SLC14A1: variants seen among roughly 807,000 people sequenced by gnomAD.
SLC14A1 encodes urea transporter 1.
Under a neutral mutation model 39.6 loss-of-function variants are expected in SLC14A1, and 36 were observed. The observed-to-expected ratio is 0.91, with a 90% CI of 0.70 to 1.20. SLC14A1 has a LOEUF of 1.20. Among genes scored for constraint, SLC14A1 ranks in the 50% most tolerant of loss-of-function variants. SLC14A1 has a pLI of 0.00. For synonymous variants in SLC14A1, 164 were observed against 173.6 expected (o/e 0.94, Z 0.43); for missense variants, 469 against 478.7 (o/e 0.98, Z 0.19).
chr18:45,732,424 G>A (rs1366289615), intron 4 of SLC14A1, among the ~76,000 whole-genome samples: 1 of 152,338 alleles, frequency 6.6e-6, no homozygotes, highest in African/African-American at 2.4e-5. Context: ...GTCATGTGTA[G>A]TCCCAGTCTC....
Position 45,751,786 on chromosome 18 carries a change from A to AAATT in SLC14A1, c.*1860_*1863dup, listed in dbSNP as rs10676479. The AAATT allele has an allele frequency of 0.069, 57,127 of 829,544 alleles. 3,591 individuals are homozygous for AAATT. The highest frequency in any genetic ancestry group is 0.36 in the East Asian group (2,700 of 7,564). 51.4% of individuals were successfully genotyped at this position (829,544 alleles called of 1,614,324 possible). On this transcript the variant is annotated 3_prime_UTR_variant, in exon 10 of 10. Transcript: ENST00000321925. ...GACCGAGCAAGACCCTATCTCAAAA[A>AAATT]AATTAATTAATTAATTAATTAATTA... is the stretch of plus-strand genomic sequence containing the variant.
In SLC14A1 at chr18:45,730,459, A is replaced by G; in HGVS notation, c.139A>G (p.Asn47Asp). The change falls in exon 3 of 10, where the codon AAC (asparagine) becomes GAC (aspartate). Residue 47 changes from asparagine (N) to aspartate (D), a missense_variant. Transcript: ENST00000321925. ...YVTGDMKELA[N>D]QLKDKPVVLQ... Reference sequence around the variant, plus strand: ...CACCGGTGACATGAAAGAACTTGCCAACCAGCTTAAAGGTATTTATCCTTT... The same window carrying G: ...CACCGGTGACATGAAAGAACTTGCCGACCAGCTTAAAGGTATTTATCCTTT... 2 of 1,614,180 alleles carry G rather than the reference A, an allele frequency of 1.2e-6. No homozygotes were observed.
intron 9 of SLC14A1, 151 bp downstream of exon 9, chr18:45,748,576 C>T (rs1483748345): frequency 2.5e-6 from 2 of 807,794 alleles, no homozygotes; most frequent in Admixed American, 1.9e-5. Flanking sequence ...AGCTCCCTGG[C>T]CTTTCTTTCA....
chr18:45,748,854 C>T (rs2047629346), intron 9 of SLC14A1, among the ~76,000 whole-genome samples: 1 of 152,130 alleles, frequency 6.6e-6, no homozygotes, highest in South Asian at 2.1e-4. Flanking sequence ...AGTATCTAGC[C>T]CTTTTGGCAG....
intron 8 of SLC14A1, among the ~76,000 whole-genome samples, chr18:45,744,603 A>T (rs2047488983): frequency 6.6e-6 from 1 of 152,186 alleles, no homozygotes; most frequent in African/African-American, 2.4e-5. Flanking sequence ...TGAGATATAT[A>T]TATGGTTTTA....
intron 6 of SLC14A1, among the ~76,000 whole-genome samples, chr18:45,737,175 T>G (rs2047222227): frequency 6.6e-6 from 1 of 152,224 alleles, no homozygotes; most frequent in South Asian, 2.1e-4. Context: ...CCAAACAGGC[T>G]TCATCTCAGA....
At chr18:45,734,252 T>C (rs762349766) in intron 4 of SLC14A1, 22 bp from the exon 5 acceptor site, 8 of 1,613,908 alleles carry the variant, frequency 5.0e-6, no homozygotes, top group Middle Eastern at 1.7e-4. Context: ...GAAATGTCCG[T>C]GCTGTGTCTC....
At chr18:45,732,974 C>T (rs764918399) in intron 4 of SLC14A1, among the ~76,000 whole-genome samples, 40 of 152,268 alleles carry the variant, frequency 2.6e-4, no homozygotes, top group Non-Finnish European at 4.0e-4. Flanking sequence ...ATCTGGAGAC[C>T]AATATCCTAA....
chr18:45,732,042 G>A lies in SLC14A1; in HGVS notation c.341+838G>A, dbSNP rs946782872. Among the ~76,000 whole-genome samples the A allele has an allele frequency of 1.1e-4, 16 of 152,330 alleles. No individual in the cohort carries two copies. The East Asian group carries it at 1.5e-3, about 15-fold the overall frequency. The stretch of plus-strand genomic sequence containing the variant: ...CTGTAGAAGGGGATTTTATAGCTTA[G>A]GTTAAACTCTATTCCAATGCATGCC... On this transcript the variant is annotated intron_variant, in intron 4 of 9. Transcript: ENST00000321925.
rs538102111 is a variant in SLC14A1, at chr18:45,739,536, C to T, written c.820C>T (p.Leu274Phe). Residue 274 changes from leucine to phenylalanine, a missense_variant, in exon 8 of 10, where the codon CTT becomes TTT. By Grantham distance (22) the Leu-to-Phe change is conservative. Transcript: ENST00000321925. ...CCCTCCTGTCTTAACAGGACTCAGT[C>T]TTTCAGCCCCATTTGAGGACATCTA... ...SLLGIAAGLS[L>F]SAPFEDIYFG... The T allele has an allele frequency of 3.1e-6, 5 of 1,614,156 alleles. No homozygotes were observed. The South Asian group carries it at 4.4e-5, about 14-fold the overall frequency.
At chr18:45,730,877 G>T in intron 3 of SLC14A1, 138 bp from the exon 4 acceptor site, 1 of 796,762 alleles carries the variant, frequency 1.3e-6, no homozygotes, top group Non-Finnish European at 2.1e-6. Context: ...GCAACAATGG[G>T]TTGAGAGAGA....
chr18:45,725,244 C>G (rs1387677027), intron 2 of SLC14A1, among the ~76,000 whole-genome samples: 2 of 152,104 alleles, frequency 1.3e-5, no homozygotes, highest in Non-Finnish European at 1.5e-5. Flanking sequence ...TATTAGTTGA[C>G]CTGAAATCTT....
chr18:45,739,616 G>A lies in SLC14A1; in HGVS notation c.900G>A (p.Met300Ile), dbSNP rs553885293. 3.1e-6 allele frequency: 5 copies of A among 1,614,218 alleles called. No homozygotes were observed. The highest frequency in any genetic ancestry group is 2.7e-5 in the African/African-American group (2 of 75,068). ...SSLACIAMGG[M>I]FMALTWQTHL... Reference sequence around the variant, plus strand: ...TGGCCTGCATTGCAATGGGAGGAATGTTCATGGCGCTCACCTGGCAAACCC... The same window carrying A: ...TGGCCTGCATTGCAATGGGAGGAATATTCATGGCGCTCACCTGGCAAACCC... Residue 300 changes from methionine (M) to isoleucine (I), a missense_variant, in exon 8 of 10, where the codon ATG becomes ATA. Met to Ile is a conservative substitution (Grantham distance 10, BLOSUM62 1). Transcript: ENST00000321925.
chr18:45,741,365 T>C (rs1371517681), intron 8 of SLC14A1, among the ~76,000 whole-genome samples: 8 of 152,196 alleles, frequency 5.3e-5, no homozygotes, highest in Non-Finnish European at 1.2e-4. Flanking sequence ...TAGTGTAATG[T>C]GGAGAAATTA....
chr18:45,731,001 C>T lies in SLC14A1; in HGVS notation c.152-14C>T, dbSNP rs1418689964. ...GGCAGCTTCCTTAGCTCTGCTTTAC[C>T]TCATCCCTTCCAGACAAACCCGTGG... On this transcript the variant is annotated splice_polypyrimidine_tract_variant and intron_variant, in intron 3 of 9. Coordinates refer to ENST00000321925, the MANE Select transcript of SLC14A1 (RefSeq NM_015865.7). 2 of 1,613,586 alleles carry T rather than the reference C, an allele frequency of 1.2e-6. No individual in the cohort carries two copies. The highest frequency in any genetic ancestry group is 3.3e-5 in the Admixed American group (2 of 60,002).
chr18:45,726,478 A>AG (rs2046866977), intron 2 of SLC14A1, among the ~76,000 whole-genome samples: 1 of 152,222 alleles, frequency 6.6e-6, no homozygotes. Context: ...ACTGTTTATT[A>AG]TTAACAAAGT....
chr18:45,724,312 T>C (rs2046805994), intron 1 of SLC14A1, 39 bp downstream of exon 1: 1 of 152,250 alleles, frequency 6.6e-6, no homozygotes, highest in Admixed American at 6.5e-5. Context: ...TTCCAACTAT[T>C]CATCATTTGG....
chr18:45,728,159 T>C (rs778874191), intron 2 of SLC14A1, among the ~76,000 whole-genome samples: 1 of 152,220 alleles, frequency 6.6e-6, no homozygotes, highest in South Asian at 2.1e-4. Context: ...TAATCTTTAC[T>C]TAACTTTGGG....
At chr18:45,734,214 T>C in intron 4 of SLC14A1, 60 bp from the exon 5 acceptor site, 6 of 1,609,074 alleles carry the variant, frequency 3.7e-6, no homozygotes, top group South Asian at 2.2e-5. Flanking sequence ...GTGTTATTTA[T>C]GTGCAAGTGC....
Sources: gnomAD v4.1 joint callset for allele counts (sites outside exome capture counted in the v4.1 genomes callset) on GRCh38, gnomAD v4.1.1 for gene constraint, MANE v1.5 for transcripts, NCBI Gene and HGNC (gene_info 2026-07-23, HGNC 2026-07-21) for gene names.